The following TRDN variants were observed in gnomAD, a reference collection of about 807,000 sequenced individuals.
TRDN encodes the protein triadin in skeletal muscle.
A neutral mutation model predicts 149.7 loss-of-function variants in TRDN; 161 were observed. The observed-to-expected ratio is 1.08, with a 90% confidence interval of 0.95 to 1.23. TRDN has a LOEUF of 1.23. Among genes scored for constraint, TRDN ranks in the 50% most tolerant of loss-of-function variants. The pLI is 0.00. For synonymous variants in TRDN, 294 were observed against 250.5 expected, an observed-to-expected ratio of 1.17 and a Z score of -1.64; for missense variants, 896 against 823.5, an observed-to-expected ratio of 1.09 and a Z score of -1.08.
intron 10 of TRDN, among the ~76,000 whole-genome samples, chr6:123,463,993 T>C (rs1776638361): frequency 6.6e-6 from 1 of 152,152 alleles, no homozygotes; most frequent in South Asian, 2.1e-4. Context: ...CTTTTCCAAT[T>C]TGGGACTGAG....
chr6:123,245,813 T>C (rs1339200550), intron 38 of TRDN, among the ~76,000 whole-genome samples: 4 of 152,174 alleles, frequency 2.6e-5, no homozygotes, highest in African/African-American at 9.7e-5. Flanking sequence ...ACATAGCACT[T>C]ATTCCAAGAT....
chr6:123,336,478 A>C (rs375672622), intron 22 of TRDN, among the ~76,000 whole-genome samples: 4 of 151,976 alleles, frequency 2.6e-5, no homozygotes, highest in African/African-American at 9.7e-5. Context: ...TCACCTTCTC[A>C]TTTACATTTC....
chr6:123,365,224 G>A lies in TRDN; in HGVS notation c.1321+911C>T, dbSNP rs558417059. Among the ~76,000 whole-genome samples, 6 of 152,162 alleles carry A rather than the reference G, an allele frequency of 3.9e-5. No homozygotes were observed. In the South Asian group the frequency reaches 1.2e-3, roughly 32 times the overall value. The stretch of plus-strand genomic sequence containing the variant: ...CTTCTAATTATTGCCTGCAAATACA[G>A]TTCATATTTTTCTTAAAGAATTCAC... On this transcript the variant is annotated intron_variant, in intron 20 of 40. Transcript: ENST00000334268.
intron 38 of TRDN, among the ~76,000 whole-genome samples, chr6:123,230,756 T>C (rs1775570651): frequency 6.6e-6 from 1 of 152,002 alleles, no homozygotes; most frequent in Non-Finnish European, 1.5e-5. Context: ...GTTTATGTTA[T>C]AAAAGTAAAA....
intron 9 of TRDN, among the ~76,000 whole-genome samples, chr6:123,475,269 A>G (rs1777413674): frequency 1.3e-5 from 2 of 149,092 alleles, no homozygotes; most frequent in African/African-American, 5.0e-5. Context: ...ATCAGAGAAT[A>G]CTACAAACAC....
At chr6:123,499,360 G>C (rs550726826) in intron 8 of TRDN, among the ~76,000 whole-genome samples, 10 of 152,066 alleles carry the variant, frequency 6.6e-5, no homozygotes, top group Admixed American at 4.6e-4. Flanking sequence ...AAACTTTTCA[G>C]CTTGTATGTT....
chr6:123,548,754 T>A, intron 2 of TRDN, 142 bp from the exon 3 acceptor site: 1 of 763,558 alleles, frequency 1.3e-6, no homozygotes, highest in Non-Finnish European at 1.8e-6. Context: ...TGGCTACAAT[T>A]TTTTGCGCAG....
intron 12 of TRDN, among the ~76,000 whole-genome samples, chr6:123,401,683 G>A (rs543391200): frequency 6.6e-6 from 1 of 152,246 alleles, no homozygotes; most frequent in South Asian, 2.1e-4. Flanking sequence ...AGTGCCTCAT[G>A]CCTATAATCC....
intron 20 of TRDN, among the ~76,000 whole-genome samples, chr6:123,361,235 G>C (rs886931784): frequency 2.6e-5 from 4 of 152,064 alleles, no homozygotes; most frequent in Non-Finnish European, 5.9e-5. Flanking sequence ...CCTTTGCAGG[G>C]ACATGGATGA....
intron 1 of TRDN, among the ~76,000 whole-genome samples, chr6:123,599,650 G>T (rs1366335304): frequency 6.6e-6 from 1 of 151,686 alleles, no homozygotes; most frequent in Non-Finnish European, 1.5e-5. Context: ...TGGTTATTTG[G>T]AGCACAAATG....
At chr6:123,545,862 T>G (rs1781085220) in intron 4 of TRDN, among the ~76,000 whole-genome samples, 1 of 151,942 alleles carries the variant, frequency 6.6e-6, no homozygotes, top group Non-Finnish European at 1.5e-5. Flanking sequence ...ATATGAAGCT[T>G]AATTTTAAAA....
intron 16 of TRDN, among the ~76,000 whole-genome samples, chr6:123,379,217 G>A (rs1781623087): frequency 6.6e-6 from 1 of 152,056 alleles, no homozygotes; most frequent in South Asian, 2.1e-4. Flanking sequence ...GAATGCTACG[G>A]TCATCACATC....
At chr6:123,547,556 TAA>T (rs1485963681) in intron 3 of TRDN, among the ~76,000 whole-genome samples, 184 bp from the exon 4 acceptor site, 1 of 152,046 alleles carries the variant, frequency 6.6e-6, no homozygotes, top group Admixed American at 6.6e-5. Flanking sequence ...TACATTTATA[TAA>T]GATTGTTTCA....
At chr6:123,372,857 C>A (rs1781371653) in intron 19 of TRDN, among the ~76,000 whole-genome samples, 1 of 152,036 alleles carries the variant, frequency 6.6e-6, no homozygotes, top group Non-Finnish European at 1.5e-5. Context: ...TGGAGAGGCA[C>A]ATGCAGGGGA....
chr6:123,400,313 G>C (rs1772911983), intron 12 of TRDN, among the ~76,000 whole-genome samples: 1 of 151,542 alleles, frequency 6.6e-6, no homozygotes, highest in Non-Finnish European at 1.5e-5. Context: ...CTCTAATTTT[G>C]ACAGTCCCCA....
At chr6:123,437,952 T>G in intron 12 of TRDN, 111 bp downstream of exon 12, 1 of 932,034 alleles carries the variant, frequency 1.1e-6, no homozygotes, top group South Asian at 1.5e-5. Flanking sequence ...CCTTCACGTC[T>G]TGGGTAGATA....
At chr6:123,344,106 G>C (rs1378838648) in intron 21 of TRDN, among the ~76,000 whole-genome samples, 1 of 152,046 alleles carries the variant, frequency 6.6e-6, no homozygotes, top group Non-Finnish European at 1.5e-5. Flanking sequence ...CCAGCCTCCA[G>C]ATCTGTGAGA....
intron 20 of TRDN, among the ~76,000 whole-genome samples, chr6:123,365,478 T>G (rs1009742174): frequency 1.3e-5 from 2 of 152,168 alleles, no homozygotes; most frequent in African/African-American, 4.8e-5. Context: ...CTGTTATATG[T>G]TTTCTTTATA....
intron 35 of TRDN, among the ~76,000 whole-genome samples, chr6:123,258,572 T>C (rs185515757): frequency 1.1e-4 from 16 of 152,330 alleles, no homozygotes; most frequent in African/African-American, 3.1e-4. Flanking sequence ...TCGATATTCA[T>C]CAGGAATATT....
Sources: allele counts gnomAD v4.1 joint callset (sites outside exome capture counted in the v4.1 genomes callset), GRCh38; gene constraint gnomAD v4.1.1; transcripts MANE v1.5; gene names NCBI Gene and HGNC (gene_info 2026-07-23, HGNC 2026-07-21).